ERC2: variants seen among roughly 807,000 people sequenced by gnomAD.
The protein encoded by ERC2 is ELKS/RAB6-interacting/CAST family member 2.
In ERC2, 42 loss-of-function variants were observed where a neutral mutation model predicts 114.8. The ratio of observed to expected loss-of-function variants is 0.37; its 90% CI spans 0.29 to 0.47. The LOEUF (loss-of-function observed/expected upper bound fraction) is 0.47, where lower values mean the gene tolerates loss of function less well. Among genes scored for constraint, ERC2 ranks in the 20% least tolerant of loss-of-function variants. The pLI is 0.99. For missense variants in ERC2, 939 were observed against 1,150.7 expected (o/e 0.82, Z 2.66); for synonymous variants, 454 against 425.5 (o/e 1.07, Z -0.82).
At chr3:56,331,108 CTCT>C (rs1189302483) in intron 2 of ERC2, among the ~76,000 whole-genome samples, 5 of 152,210 alleles carry the variant, frequency 3.3e-5, no homozygotes, top group African/African-American at 1.2e-4. Context: ...CCTGTAGACC[CTCT>C]TCTTAACCTT....
At chr3:56,231,648 T>C (rs1018863572) in intron 3 of ERC2, among the ~76,000 whole-genome samples, 2 of 152,238 alleles carry the variant, frequency 1.3e-5, no homozygotes, top group Admixed American at 6.5e-5. Context: ...AGAGTTATGA[T>C]ACATTTATCT....
chr3:55,838,784 G>A (rs4974149), intron 14 of ERC2, among the ~76,000 whole-genome samples: 52,697 of 151,674 alleles, frequency 0.35, 11,168 homozygotes, highest in African/African-American at 0.59. Flanking sequence ...GAAACCCTCA[G>A]ACATAAATAG....
chr3:56,332,379 C>T (rs1041361184), intron 2 of ERC2, among the ~76,000 whole-genome samples: 1 of 152,162 alleles, frequency 6.6e-6, no homozygotes, highest in Admixed American at 6.5e-5. Context: ...CCTGCTGATG[C>T]CATCATTTAA....
intron 17 of ERC2, among the ~76,000 whole-genome samples, chr3:55,568,003 G>C (rs148588144): frequency 6.6e-6 from 1 of 152,164 alleles, no homozygotes; most frequent in African/African-American, 2.4e-5. Flanking sequence ...TCTTTCTCTG[G>C]ACTAATTTTA....
At chr3:55,549,681 C>G (rs1400710953) in intron 17 of ERC2, among the ~76,000 whole-genome samples, 1 of 151,760 alleles carries the variant, frequency 6.6e-6, no homozygotes, top group African/African-American at 2.4e-5. Context: ...AAGATGGAAG[C>G]CCTGTGGCCT....
chr3:55,847,918 C>G (rs1443596751), intron 14 of ERC2, among the ~76,000 whole-genome samples: 2 of 152,096 alleles, frequency 1.3e-5, no homozygotes, highest in Non-Finnish European at 2.9e-5. Context: ...CCTGCCTCAG[C>G]CTCCCAATCA....
chr3:56,201,462 G>T (rs2048401172), intron 3 of ERC2, among the ~76,000 whole-genome samples: 1 of 152,180 alleles, frequency 6.6e-6, no homozygotes, highest in African/African-American at 2.4e-5. Context: ...CAAGGCCCAA[G>T]CCCTCTTTCC....
chr3:56,343,155 ATCTC>A (rs1315667106), intron 2 of ERC2, among the ~76,000 whole-genome samples: 43 of 141,076 alleles, frequency 3.0e-4, no homozygotes, highest in African/African-American at 1.1e-3. Flanking sequence ...GCCTTTTAGG[ATCTC>A]TCTCTCTTTC....
At chr3:55,856,140 A>G (rs543127663) in intron 14 of ERC2, among the ~76,000 whole-genome samples, 2 of 152,340 alleles carry the variant, frequency 1.3e-5, no homozygotes, top group African/African-American at 2.4e-5. Flanking sequence ...AACAATAATC[A>G]GCATTAAAAC....
intron 2 of ERC2, among the ~76,000 whole-genome samples, chr3:56,400,033 A>T (rs2106940572): frequency 6.6e-6 from 1 of 152,258 alleles, no homozygotes; most frequent in Non-Finnish European, 1.5e-5. Flanking sequence ...AAAAAAAAAA[A>T]ACTATAGCAC....
intron 14 of ERC2, among the ~76,000 whole-genome samples, chr3:55,745,341 T>G (rs1253674850): frequency 1.3e-5 from 2 of 152,242 alleles, no homozygotes; most frequent in Non-Finnish European, 2.9e-5. Context: ...AAATGTGTTC[T>G]GAAAGGCGAC....
At chr3:56,018,862 C>G (rs773641422) in intron 8 of ERC2, 32 bp downstream of exon 8, 1 of 1,603,268 alleles carries the variant, frequency 6.2e-7, no homozygotes, top group Non-Finnish European at 8.5e-7. Context: ...TTCCCCATAT[C>G]CTGATTCCCC....
intron 14 of ERC2, among the ~76,000 whole-genome samples, chr3:55,834,608 G>A (rs1279201587): frequency 1.3e-5 from 2 of 151,070 alleles, no homozygotes; most frequent in African/African-American, 2.4e-5. Flanking sequence ...CACATTCAAA[G>A]CAGTGTGTAG....
In ERC2 at chr3:55,556,993, C is replaced by T. The variant is rs182781944; in HGVS notation, c.*40-45717G>A. Among the ~76,000 whole-genome samples, 31 of 152,298 alleles carry T rather than the reference C, an allele frequency of 2.0e-4. No homozygotes were observed. The East Asian group carries it at 6.0e-3, about 29-fold the overall frequency. The stretch of plus-strand genomic sequence containing the variant: ...TCTGTTCACTATGGGATACCAGACA[C>T]ACACATAGACCCAGAGTTTACAATC... On this transcript the variant is annotated intron_variant, in intron 17 of 17. Coordinates refer to ENST00000288221, the MANE Select transcript of ERC2 (RefSeq NM_015576.3).
chr3:56,016,828 G>A (rs1265744248), intron 8 of ERC2, among the ~76,000 whole-genome samples: 1 of 152,082 alleles, frequency 6.6e-6, no homozygotes, highest in Non-Finnish European at 1.5e-5. Flanking sequence ...AGTGGCTTAG[G>A]TGGGACTGGC....
At chr3:55,932,324 C>T (rs1441258493) in intron 13 of ERC2, among the ~76,000 whole-genome samples, 1 of 152,034 alleles carries the variant, frequency 6.6e-6, no homozygotes, top group Non-Finnish European at 1.5e-5. Context: ...CAGATGAAGG[C>T]AATAATGATG....
intron 1 of ERC2, among the ~76,000 whole-genome samples, chr3:56,453,038 T>G (rs941209333): frequency 6.6e-6 from 1 of 152,144 alleles, no homozygotes; most frequent in Non-Finnish European, 1.5e-5. Context: ...TTAAAAAGGT[T>G]GCCAAAAAAA....
intron 14 of ERC2, among the ~76,000 whole-genome samples, chr3:55,739,405 A>G (rs896703362): frequency 1.1e-4 from 17 of 152,128 alleles, no homozygotes; most frequent in African/African-American, 4.1e-4. Context: ...ATTTCTCCAC[A>G]TCCTCTCCAG....
At chr3:56,355,173 T>C (rs1242682679) in intron 2 of ERC2, among the ~76,000 whole-genome samples, 1 of 152,198 alleles carries the variant, frequency 6.6e-6, no homozygotes, top group Non-Finnish European at 1.5e-5. Flanking sequence ...TCAGATATAT[T>C]TGCTGAATGA....
Sources: gnomAD v4.1 joint callset for allele counts (sites outside exome capture counted in the v4.1 genomes callset) on GRCh38, gnomAD v4.1.1 for gene constraint, MANE v1.5 for transcripts, NCBI Gene and HGNC (gene_info 2026-07-23, HGNC 2026-07-21) for gene names.